RPIA: variants seen among roughly 807,000 people sequenced by gnomAD.
RPIA encodes the protein ribose 5-phosphate isomerase A.
RPIA carries 29 observed loss-of-function variants against 37.8 expected under a neutral mutation model. That is an observed-to-expected ratio of 0.77 (90% confidence interval 0.57 to 1.05). RPIA has a LOEUF of 1.05. RPIA is among the 50% of genes least tolerant of loss of function. The pLI is 0.00. For missense variants in RPIA, 385 were observed against 413.6 expected, an observed-to-expected ratio of 0.93 and a Z score of 0.60; for synonymous variants, 167 against 157.0, an observed-to-expected ratio of 1.06 and a Z score of -0.48.
chr2:88,741,656 C>A (rs983302428), intron 8 of RPIA, among the ~76,000 whole-genome samples: 1 of 152,200 alleles, frequency 6.6e-6, no homozygotes, highest in Non-Finnish European at 1.5e-5. Flanking sequence ...AATCTTCACA[C>A]TGTTTTCCAC....
At chr2:88,740,049 A>G (rs1240256396) in intron 8 of RPIA, among the ~76,000 whole-genome samples, 1 of 152,214 alleles carries the variant, frequency 6.6e-6, no homozygotes, top group Non-Finnish European at 1.5e-5. Context: ...ACAGCCAAGA[A>G]GGTAGGAGGA....
At chr2:88,714,269 C>T (rs940049226) in intron 3 of RPIA, among the ~76,000 whole-genome samples, 4 of 152,146 alleles carry the variant, frequency 2.6e-5, no homozygotes, top group Non-Finnish European at 4.4e-5. Flanking sequence ...CTCCTGGGTT[C>T]AAGTGATTCT....
intron 8 of RPIA, among the ~76,000 whole-genome samples, chr2:88,747,752 G>A (rs1003608327): frequency 1.3e-5 from 2 of 152,160 alleles, no homozygotes; most frequent in South Asian, 2.1e-4. Context: ...CAGGTTCCCC[G>A]GTGGGGATGT....
At chr2:88,698,204 C>T (rs1446000588) in intron 1 of RPIA, among the ~76,000 whole-genome samples, 2 of 151,726 alleles carry the variant, frequency 1.3e-5, no homozygotes, top group Non-Finnish European at 2.9e-5. Context: ...CAAGTAATTG[C>T]ACCAATTATT....
intron 3 of RPIA, among the ~76,000 whole-genome samples, chr2:88,711,339 T>C (rs1429675283): frequency 2.6e-5 from 4 of 152,366 alleles, no homozygotes; most frequent in African/African-American, 9.6e-5. Flanking sequence ...TAACATGTAC[T>C]TTGGATCAGT....
At chr2:88,749,386 A>G (rs992399645) in intron 8 of RPIA, among the ~76,000 whole-genome samples, 1 of 152,038 alleles carries the variant, frequency 6.6e-6, no homozygotes, top group Non-Finnish European at 1.5e-5. Context: ...TTTATTGGCC[A>G]TTTTGGGTAG....
chr2:88,696,534 A>C (rs1199660511), intron 1 of RPIA, among the ~76,000 whole-genome samples: 1 of 152,032 alleles, frequency 6.6e-6, no homozygotes, highest in Non-Finnish European at 1.5e-5. Context: ...TATTATAAAC[A>C]TATATACAAG....
At chr2:88,706,638 G>A (rs1437764147) in intron 3 of RPIA, among the ~76,000 whole-genome samples, 1 of 151,534 alleles carries the variant, frequency 6.6e-6, no homozygotes, top group Non-Finnish European at 1.5e-5. Context: ...GATAGATGCA[G>A]CAAACCACCA....
intron 8 of RPIA, among the ~76,000 whole-genome samples, chr2:88,740,851 T>C (rs147019851): frequency 3.3e-5 from 5 of 152,340 alleles, no homozygotes; most frequent in African/African-American, 4.8e-5. Flanking sequence ...AGTGGATGCT[T>C]TCTCCTTATA....
chr2:88,740,466 C>T (rs1673369359), intron 8 of RPIA, among the ~76,000 whole-genome samples: 1 of 152,144 alleles, frequency 6.6e-6, no homozygotes, highest in African/African-American at 2.4e-5. Flanking sequence ...CCATTAGATT[C>T]ACGGCTGGAC....
At chr2:88,718,387 G>T (rs1673062051) in intron 3 of RPIA, among the ~76,000 whole-genome samples, 1 of 152,072 alleles carries the variant, frequency 6.6e-6, no homozygotes, top group African/African-American at 2.4e-5. Context: ...ATGGAACTTT[G>T]TTCCATAGAA....
At chr2:88,748,481 A>T (rs1158507966) in intron 8 of RPIA, among the ~76,000 whole-genome samples, 1 of 152,082 alleles carries the variant, frequency 6.6e-6, no homozygotes, top group African/African-American at 2.4e-5. Flanking sequence ...GCTTGTATTC[A>T]CTTAGCCTTC....
intron 1 of RPIA, among the ~76,000 whole-genome samples, chr2:88,694,979 CAAAAAAAAAA>C (rs61633535): frequency 2.5e-5 from 3 of 119,150 alleles, no homozygotes; most frequent in Non-Finnish European, 3.6e-5. Context: ...AATAAAGTCT[CAAAAAAAAAA>C]AAAAAAGAAA....
intron 3 of RPIA, among the ~76,000 whole-genome samples, chr2:88,727,006 T>C (rs1191478296): frequency 6.6e-6 from 1 of 152,224 alleles, no homozygotes; most frequent in East Asian, 1.9e-4. Context: ...CCCGAAGTGC[T>C]GGGATTATGA....
At chr2:88,713,044 T>A (rs1672978473) in intron 3 of RPIA, among the ~76,000 whole-genome samples, 2 of 149,414 alleles carry the variant, frequency 1.3e-5, no homozygotes, top group Non-Finnish European at 3.0e-5. Flanking sequence ...GATTTTTTTG[T>A]ATTTTTAGTA....
intron 3 of RPIA, among the ~76,000 whole-genome samples, chr2:88,713,025 C>G (rs768258308): frequency 2.0e-5 from 3 of 149,678 alleles, no homozygotes; most frequent in Non-Finnish European, 4.4e-5. Flanking sequence ...CCCGCCACCA[C>G]GCCCAGCTGA....
chr2:88,713,896 C>G (rs1573466531), intron 3 of RPIA, among the ~76,000 whole-genome samples: 1 of 144,872 alleles, frequency 6.9e-6, no homozygotes, highest in South Asian at 2.2e-4. Context: ...GGATCTTGTT[C>G]TTGTTTTATG....
chr2:88,740,630 G>A (rs1223466753), intron 8 of RPIA, among the ~76,000 whole-genome samples: 2 of 152,060 alleles, frequency 1.3e-5, no homozygotes, highest in Non-Finnish European at 2.9e-5. Flanking sequence ...GAAGGGCCAG[G>A]GCTACTGGAG....
chr2:88,747,067 C>T (rs926646858), intron 8 of RPIA, among the ~76,000 whole-genome samples: 2 of 152,102 alleles, frequency 1.3e-5, no homozygotes, highest in Non-Finnish European at 2.9e-5. Context: ...GAAAAACCAT[C>T]AGGTTAGGGC....
Sources: gnomAD v4.1 joint callset for allele counts (sites outside exome capture counted in the v4.1 genomes callset) on GRCh38, gnomAD v4.1.1 for gene constraint, MANE v1.5 for transcripts, NCBI Gene and HGNC (gene_info 2026-07-23, HGNC 2026-07-21) for gene names.